The following EXOC6B variants were observed in gnomAD, a reference collection of about 807,000 sequenced individuals.
The protein encoded by EXOC6B is SEC15 homolog B.
EXOC6B carries 54 observed loss-of-function variants against 113.5 expected under a neutral mutation model. The ratio of observed to expected loss-of-function variants is 0.48; its 90% CI spans 0.38 to 0.60. The LOEUF is 0.60. EXOC6B is among the 20% of genes least tolerant of loss of function. EXOC6B has a pLI of 0.00. For synonymous variants in EXOC6B, 357 were observed against 339.0 expected, an observed-to-expected ratio of 1.05 and a Z score of -0.58; for missense variants, 797 against 977.5, an observed-to-expected ratio of 0.82 and a Z score of 2.46.
intron 1 of EXOC6B, among the ~76,000 whole-genome samples, chr2:72,754,622 T>A (rs1023956649): frequency 6.6e-6 from 1 of 151,194 alleles, no homozygotes; most frequent in Non-Finnish European, 1.5e-5. Flanking sequence ...TTTTCTTTTT[T>A]TTTTTTTAGA....
chr2:72,191,171 G>A (rs1405278276), intron 20 of EXOC6B, among the ~76,000 whole-genome samples: 5 of 152,154 alleles, frequency 3.3e-5, no homozygotes, highest in Non-Finnish European at 7.3e-5. Context: ...GACAAGGGGA[G>A]ACATTTGTAA....
At chr2:72,499,618 CCT>C (rs1558735530) in intron 12 of EXOC6B, among the ~76,000 whole-genome samples, 1 of 151,020 alleles carries the variant, frequency 6.6e-6, no homozygotes, top group Non-Finnish European at 1.5e-5. Flanking sequence ...GGCTTGGACT[CCT>C]ATGTTCAGGC....
chr2:72,451,654 C>CTCTGTGTGTGTGTG (rs1696925689), intron 18 of EXOC6B, among the ~76,000 whole-genome samples: 1 of 142,496 alleles, frequency 7.0e-6, no homozygotes, highest in African/African-American at 2.6e-5. Flanking sequence ...GTCTTTGTGC[C>CTCTGTGTGTGTGTG]TGTGTGTGTG....
At chr2:72,387,319 A>C (rs1692093213) in intron 18 of EXOC6B, among the ~76,000 whole-genome samples, 1 of 152,066 alleles carries the variant, frequency 6.6e-6, no homozygotes, top group African/African-American at 2.4e-5. Flanking sequence ...TCATTGTTTG[A>C]TTTTGCTATT....
chr2:72,435,397 G>C (rs987533925), intron 18 of EXOC6B, among the ~76,000 whole-genome samples: 11 of 152,206 alleles, frequency 7.2e-5, no homozygotes, highest in Non-Finnish European at 2.9e-5. Context: ...TTGAGGTGGA[G>C]AGTTCTGTAG....
At chr2:72,218,689 G>A (rs112527324) in intron 20 of EXOC6B, among the ~76,000 whole-genome samples, 6,447 of 151,810 alleles carry the variant, frequency 0.042, 429 homozygotes, top group African/African-American at 0.15. Context: ...TTTTTGAGAT[G>A]GAGTCTCGTT....
chr2:72,387,087 GA>G (rs1692074886), intron 18 of EXOC6B, among the ~76,000 whole-genome samples: 1 of 152,206 alleles, frequency 6.6e-6, no homozygotes, highest in South Asian at 2.1e-4. Flanking sequence ...TATTTTTCTT[GA>G]AAGGGTGTTC....
At chr2:72,808,979 C>A (rs1040803200) in intron 1 of EXOC6B, among the ~76,000 whole-genome samples, 1 of 152,090 alleles carries the variant, frequency 6.6e-6, no homozygotes, top group Non-Finnish European at 1.5e-5. Context: ...GTGAGATGAT[C>A]ACTTGAGCCT....
chr2:72,802,901 G>A (rs1352177807), intron 1 of EXOC6B, among the ~76,000 whole-genome samples: 2 of 152,192 alleles, frequency 1.3e-5, no homozygotes, highest in East Asian at 3.8e-4. Flanking sequence ...TAGAAACTCT[G>A]AGGGTGGAGC....
chr2:72,510,533 C>T (rs1700839947), intron 11 of EXOC6B, among the ~76,000 whole-genome samples: 1 of 151,088 alleles, frequency 6.6e-6, no homozygotes, highest in Non-Finnish European at 1.5e-5. Flanking sequence ...TCCTACAATG[C>T]AATATTATAT....
intron 20 of EXOC6B, among the ~76,000 whole-genome samples, chr2:72,297,932 T>C (rs887172352): frequency 2.6e-5 from 4 of 152,166 alleles, no homozygotes; most frequent in Non-Finnish European, 4.4e-5. Flanking sequence ...TAAGAATAAG[T>C]GCAATGTGGT....
chr2:72,653,605 C>CCA (rs1355027935), intron 6 of EXOC6B, among the ~76,000 whole-genome samples: 1 of 144,764 alleles, frequency 6.9e-6, no homozygotes, highest in Admixed American at 6.7e-5. Context: ...GCAACCCCCC[C>CCA]CCAAAAAGAA....
chr2:72,452,740 G>C (rs1696989473), intron 18 of EXOC6B, among the ~76,000 whole-genome samples: 1 of 152,146 alleles, frequency 6.6e-6, no homozygotes, highest in African/African-American at 2.4e-5. Context: ...CATTTAATGT[G>C]GATAGTAGTT....
chr2:72,545,388 C>T (rs575885283), intron 8 of EXOC6B, among the ~76,000 whole-genome samples: 2 of 152,052 alleles, frequency 1.3e-5, no homozygotes, highest in South Asian at 2.1e-4. Flanking sequence ...ATCGAAAATA[C>T]ACCCAATCCT....
chr2:72,306,756 A>G (rs923878158), intron 20 of EXOC6B, among the ~76,000 whole-genome samples: 1 of 152,202 alleles, frequency 6.6e-6, no homozygotes, highest in Admixed American at 6.5e-5. Flanking sequence ...CTAAGTCTAC[A>G]CTTCCAAAAA....
chr2:72,564,324 G>A (rs977015721), intron 7 of EXOC6B, among the ~76,000 whole-genome samples: 1 of 152,116 alleles, frequency 6.6e-6, no homozygotes, highest in East Asian at 1.9e-4. Flanking sequence ...TCTTAAGAAG[G>A]CTTTCAAAGT....
At chr2:72,535,669 T>TCAAGA (rs751920953) in intron 8 of EXOC6B, among the ~76,000 whole-genome samples, 18 of 151,688 alleles carry the variant, frequency 1.2e-4, no homozygotes, top group Non-Finnish European at 2.5e-4. Context: ...GGTCGAGAGT[T>TCAAGA]CAAGACCAGC....
intron 20 of EXOC6B, among the ~76,000 whole-genome samples, chr2:72,271,335 C>A (rs1684469529): frequency 6.6e-6 from 1 of 152,116 alleles, no homozygotes; most frequent in African/African-American, 2.4e-5. Flanking sequence ...TTTTGAATAT[C>A]TTGCCTATCC....
intron 18 of EXOC6B, among the ~76,000 whole-genome samples, chr2:72,408,617 A>T (rs1341336017): frequency 1.3e-5 from 2 of 152,224 alleles, no homozygotes; most frequent in Non-Finnish European, 2.9e-5. Flanking sequence ...AAATGGGGGA[A>T]CGACTCCCTA....
Sources: allele counts gnomAD v4.1 joint callset (sites outside exome capture counted in the v4.1 genomes callset), GRCh38; gene constraint gnomAD v4.1.1; transcripts MANE v1.5; gene names NCBI Gene and HGNC (gene_info 2026-07-23, HGNC 2026-07-21).